HDAC4: variants seen among roughly 807,000 people sequenced by gnomAD.
The protein encoded by HDAC4 is histone deacetylase A.
Under a neutral mutation model 135.1 loss-of-function variants are expected in HDAC4, and 16 were observed. The observed-to-expected ratio is 0.12, with a 90% CI of 0.08 to 0.18. HDAC4 has a LOEUF of 0.18. HDAC4 is among the 10% of genes least tolerant of loss of function. HDAC4 has a pLI of 1.00. For missense variants in HDAC4, 1,143 were observed against 1,511.8 expected (o/e 0.76, Z 4.05); for synonymous variants, 685 against 653.4 (o/e 1.05, Z -0.74).
chr2:239,393,072 T>A (rs1696336827), intron 1 of HDAC4, among the ~76,000 whole-genome samples: 1 of 152,066 alleles, frequency 6.6e-6, no homozygotes, highest in African/African-American at 2.4e-5. Flanking sequence ...AGGAACCCCC[T>A]CCCTTCTGGA....
intron 12 of HDAC4, among the ~76,000 whole-genome samples, chr2:239,124,735 CTGCGTTATATGA>C: frequency 7.7e-6 from 1 of 130,442 alleles, no homozygotes. Context: ...TGGCGTGTGG[CTGCGTTATATGA>C]CATTCCATGT....
chr2:239,053,180 G>A (rs1217331582), intron 26 of HDAC4, 44 bp from the exon 27 acceptor site: 1 of 1,610,254 alleles, frequency 6.2e-7, no homozygotes. Flanking sequence ...TGGGGCAGGT[G>A]CACCACAGAG....
At chr2:239,184,470 T>C (rs368819488) in intron 4 of HDAC4, among the ~76,000 whole-genome samples, 3 of 125,860 alleles carry the variant, frequency 2.4e-5, no homozygotes, top group South Asian at 2.8e-4. Context: ...GGGGGGTCCC[T>C]CAGTGTCTGT....
intron 13 of HDAC4, among the ~76,000 whole-genome samples, chr2:239,113,660 T>C (rs571948555): frequency 9.9e-4 from 151 of 152,302 alleles, no homozygotes; most frequent in African/African-American, 3.4e-3. Flanking sequence ...TTAATGTAAA[T>C]AGTTTCCCAT....
At chr2:239,056,410 G>C (rs11892831) in intron 24 of HDAC4, among the ~76,000 whole-genome samples, 1 of 152,194 alleles carries the variant, frequency 6.6e-6, no homozygotes, top group Non-Finnish European at 1.5e-5. Context: ...AAATCAGGAC[G>C]TGCCTGAAGG....
intron 17 of HDAC4, among the ~76,000 whole-genome samples, chr2:239,093,219 C>T (rs1459432760): frequency 1.3e-5 from 2 of 152,172 alleles, no homozygotes; most frequent in African/African-American, 2.4e-5. Context: ...TTCCCAGCGC[C>T]GAGGAGTGGT....
intron 2 of HDAC4, among the ~76,000 whole-genome samples, chr2:239,244,368 G>A (rs958797994): frequency 5.9e-5 from 9 of 151,590 alleles, no homozygotes; most frequent in Admixed American, 3.3e-4. Flanking sequence ...AGCGCTGCGC[G>A]AGGGCCCATG....
chr2:239,364,218 G>A (rs1694028857), intron 1 of HDAC4, among the ~76,000 whole-genome samples: 1 of 152,156 alleles, frequency 6.6e-6, no homozygotes, highest in Non-Finnish European at 1.5e-5. Context: ...CTACCCAACA[G>A]AAAGACATCT....
chr2:239,277,977 GCCAGCCACACACC>G (rs1388140451), intron 2 of HDAC4, among the ~76,000 whole-genome samples: 72 of 59,204 alleles, frequency 1.2e-3, no homozygotes, highest in East Asian at 0.011. Context: ...TCCTGAGCAG[GCCAGCCACACACC>G]CCAGCCACAC....
intron 1 of HDAC4, among the ~76,000 whole-genome samples, chr2:239,368,775 TCCTA>T (rs1182320588): frequency 1.3e-5 from 2 of 152,214 alleles, no homozygotes; most frequent in East Asian, 3.9e-4. Flanking sequence ...GAGTGGACCC[TCCTA>T]AGTGTTGCGT....
At chr2:239,369,212 C>T (rs1327151931) in intron 1 of HDAC4, among the ~76,000 whole-genome samples, 1 of 152,224 alleles carries the variant, frequency 6.6e-6, no homozygotes, top group African/African-American at 2.4e-5. Context: ...CAGCACGGCC[C>T]ATTCCCCGAC....
At chr2:239,371,681 G>C (rs1694633415) in intron 1 of HDAC4, among the ~76,000 whole-genome samples, 2 of 152,118 alleles carry the variant, frequency 1.3e-5, no homozygotes, top group South Asian at 4.1e-4. Context: ...ACACACACGT[G>C]TGTGGCAACA....
intron 12 of HDAC4, 114 bp downstream of exon 12, chr2:239,126,338 CTCTT>C: frequency 2.6e-6 from 4 of 1,556,294 alleles, no homozygotes; most frequent in Non-Finnish European, 3.5e-6. Flanking sequence ...CCTCGGTTCC[CTCTT>C]TCTGCCTCCT....
chr2:239,182,597 G>C (rs1185621526), intron 4 of HDAC4, among the ~76,000 whole-genome samples: 5 of 151,818 alleles, frequency 3.3e-5, no homozygotes, highest in African/African-American at 4.9e-5. Flanking sequence ...GTGTGATCTC[G>C]GCTTCGCTAC....
At chr2:239,158,855 C>T (rs749003030) in intron 6 of HDAC4, among the ~76,000 whole-genome samples, 5 of 152,052 alleles carry the variant, frequency 3.3e-5, no homozygotes, top group Admixed American at 1.3e-4. Flanking sequence ...TCCAGCAGGG[C>T]GAGCAGAAGT....
intron 24 of HDAC4, chr2:239,055,055 G>A: frequency 2.1e-6 from 1 of 471,150 alleles, no homozygotes; most frequent in Admixed American, 3.2e-5. Flanking sequence ...AGATATTTGT[G>A]GGTTCCTACA....
intron 1 of HDAC4, among the ~76,000 whole-genome samples, chr2:239,370,802 C>A (rs1694554671): frequency 6.6e-6 from 1 of 152,238 alleles, no homozygotes; most frequent in Admixed American, 6.5e-5. Context: ...ATCCCCGCAT[C>A]ATGCTGGGTC....
intron 14 of HDAC4, among the ~76,000 whole-genome samples, chr2:239,111,293 G>T (rs2038647959): frequency 1.3e-5 from 2 of 152,256 alleles, no homozygotes; most frequent in Non-Finnish European, 2.9e-5. Context: ...GGACAGGAAA[G>T]TGGGCAAGTG....
At position 239,048,915 on chromosome 2, in the gene HDAC4, C is replaced by A. The variant is rs540204281; in HGVS notation, c.*4182G>T. ...AGCTGTGCGGAAAAGGGGACTCTTT[C>A]GAGTCCGCCCAGTTCTCAATCAGAA... On this transcript the variant is annotated 3_prime_UTR_variant, in exon 27 of 27. Transcript: ENST00000543185. 6.6e-6 allele frequency: 1 copy of A among 152,240 alleles called. No individual in the cohort carries two copies. The highest frequency in any genetic ancestry group is 1.5e-5 in the Non-Finnish European group (1 of 68,050). The allele number at this position is 152,240 out of a possible 1,614,324, so 9.4% of individuals were successfully genotyped here.
Sources: allele counts gnomAD v4.1 joint callset (sites outside exome capture counted in the v4.1 genomes callset), GRCh38; gene constraint gnomAD v4.1.1; transcripts MANE v1.5; gene names NCBI Gene and HGNC (gene_info 2026-07-23, HGNC 2026-07-21).